The following FOXP1 variants were observed in gnomAD, a reference collection of about 807,000 sequenced individuals.
FOXP1 encodes forkhead box P1.
In FOXP1, 15 loss-of-function variants were observed where a neutral mutation model predicts 98.2. The ratio of observed to expected loss-of-function variants is 0.15; its 90% CI spans 0.10 to 0.24. The LOEUF is 0.24. Ranked by LOEUF, FOXP1 falls within the 10% of genes least tolerant of loss-of-function variation. FOXP1 has a pLI of 1.00. For synonymous variants in FOXP1, 371 were observed against 314.5 expected, an observed-to-expected ratio of 1.18 and a Z score of -1.90; for missense variants, 633 against 848.5, an observed-to-expected ratio of 0.75 and a Z score of 3.15.
At chr3:71,372,176 C>T (rs1400741625) in intron 3 of FOXP1, among the ~76,000 whole-genome samples, 1 of 114,906 alleles carries the variant, frequency 8.7e-6, no homozygotes, top group Non-Finnish European at 1.7e-5. Flanking sequence ...CCATTCCTGG[C>T]TAATTTTTTT....
intron 4 of FOXP1, among the ~76,000 whole-genome samples, chr3:71,311,371 T>C (rs1560287050): frequency 6.6e-6 from 1 of 152,250 alleles, no homozygotes; most frequent in African/African-American, 2.4e-5. Context: ...ATTACAGGCA[T>C]GAGCCAGTGT....
rs2042061258 is a variant in FOXP1 at position 71,001,005 on chromosome 3, T to C, written c.1029A>G (p.Val343=). ...LDDRSTAQCR[V]QMQVVQQLEL... ...CTAACTGCTGTACAACCTGCATTTGTACTCTACATTGGGCTGTACTTCTAT... is the reference window on the plus strand; with the variant it reads ...CTAACTGCTGTACAACCTGCATTTGCACTCTACATTGGGCTGTACTTCTAT... The change falls in exon 13 of 21, where the codon GTA becomes GTG. Residue 343 remains valine (V), a synonymous_variant. Coordinates refer to ENST00000649528, the MANE Select transcript of FOXP1 (RefSeq NM_001349338.3). 2 of 1,613,516 alleles carry C rather than the reference T, an allele frequency of 1.2e-6. No homozygotes were observed. The highest frequency in any genetic ancestry group is 4.5e-5 in the East Asian group (2 of 44,858).
chr3:71,384,881 C>T (rs766681476), intron 3 of FOXP1, among the ~76,000 whole-genome samples: 26 of 152,258 alleles, frequency 1.7e-4, no homozygotes, highest in Non-Finnish European at 3.4e-4. Flanking sequence ...CAGGGTGACA[C>T]ATTTTCTAGA....
intron 7 of FOXP1, among the ~76,000 whole-genome samples, chr3:71,071,225 A>C (rs1230324300): frequency 6.6e-6 from 1 of 152,184 alleles, no homozygotes; most frequent in Non-Finnish European, 1.5e-5. Context: ...GGTTGAGAAC[A>C]GAGGGTGTGT....
chr3:70,963,639 C>CTTTG (rs2034084546), intron 20 of FOXP1, among the ~76,000 whole-genome samples: 1 of 152,148 alleles, frequency 6.6e-6, no homozygotes, highest in South Asian at 2.1e-4. Flanking sequence ...TGAGTAATTC[C>CTTTG]TTTGTTTAGC....
intron 5 of FOXP1, among the ~76,000 whole-genome samples, chr3:71,262,358 T>C (rs969165329): frequency 7.0e-6 from 1 of 142,948 alleles, no homozygotes; most frequent in East Asian, 2.1e-4. Flanking sequence ...AAAAAAGATA[T>C]GATCCCAGCC....
chr3:71,497,646 T>A (rs1031264781), intron 2 of FOXP1, among the ~76,000 whole-genome samples: 2 of 152,192 alleles, frequency 1.3e-5, no homozygotes, highest in African/African-American at 4.8e-5. Context: ...ACCCAACAGA[T>A]ACCCCAGGTA....
chr3:71,319,415 T>G (rs1443816011), intron 4 of FOXP1, among the ~76,000 whole-genome samples: 3 of 152,170 alleles, frequency 2.0e-5, no homozygotes, highest in African/African-American at 7.2e-5. Flanking sequence ...TACTAACTAC[T>G]ATGCTAACTA....
chr3:71,126,211 G>A (rs764544680), intron 6 of FOXP1, among the ~76,000 whole-genome samples: 8 of 152,140 alleles, frequency 5.3e-5, no homozygotes, highest in Non-Finnish European at 1.2e-4. Context: ...TTGGCCGGGC[G>A]TGGTGGCTCA....
At chr3:71,178,888 AC>A (rs1189923765) in intron 6 of FOXP1, among the ~76,000 whole-genome samples, 1 of 151,352 alleles carries the variant, frequency 6.6e-6, no homozygotes, top group African/African-American at 2.4e-5. Flanking sequence ...CAACTCAAAA[AC>A]AAAAAACAAA....
At chr3:71,270,596 G>A (rs1271748390) in intron 5 of FOXP1, among the ~76,000 whole-genome samples, 1 of 152,210 alleles carries the variant, frequency 6.6e-6, no homozygotes, top group African/African-American at 2.4e-5. Flanking sequence ...TTAAGTGAAT[G>A]AAAATTTCGT....
intron 4 of FOXP1, chr3:71,329,826 A>G (rs1001416251): frequency 6.6e-6 from 1 of 152,206 alleles, no homozygotes; most frequent in Non-Finnish European, 1.5e-5. Flanking sequence ...AGTATCTACA[A>G]TCAAGAACAA....
intron 2 of FOXP1, among the ~76,000 whole-genome samples, chr3:71,519,488 T>G (rs922144078): frequency 6.6e-6 from 1 of 152,184 alleles, no homozygotes; most frequent in Non-Finnish European, 1.5e-5. Flanking sequence ...AACTCTCTGA[T>G]AAGTATATTA....
intron 6 of FOXP1, among the ~76,000 whole-genome samples, chr3:71,127,208 T>C (rs2059272600): frequency 6.6e-6 from 1 of 152,182 alleles, no homozygotes. Flanking sequence ...CACTCCAGAA[T>C]TGAAGAATCA....
At chr3:71,053,964 A>G (rs1367991446) in intron 7 of FOXP1, among the ~76,000 whole-genome samples, 191 bp from the exon 8 acceptor site, 2 of 152,246 alleles carry the variant, frequency 1.3e-5, no homozygotes, top group Non-Finnish European at 2.9e-5. Context: ...AAGAAAGAAA[A>G]GTAAAATCTT....
chr3:71,005,780 G>A (rs930907067), intron 12 of FOXP1, among the ~76,000 whole-genome samples: 1 of 152,106 alleles, frequency 6.6e-6, no homozygotes, highest in African/African-American at 2.4e-5. Context: ...AAAGTAGAGC[G>A]CTTCCTTTCT....
intron 14 of FOXP1, 140 bp downstream of exon 14, chr3:70,987,854 C>T (rs987096251): frequency 1.4e-5 from 10 of 734,270 alleles, no homozygotes; most frequent in African/African-American, 7.0e-5. Context: ...TAACCAGAAA[C>T]AGTCGCATGA....
intron 6 of FOXP1, among the ~76,000 whole-genome samples, chr3:71,162,972 T>C (rs1369675547): frequency 2.0e-5 from 3 of 152,330 alleles, no homozygotes; most frequent in East Asian, 1.9e-4. Context: ...AGAAGATGTA[T>C]CAATGCAACA....
At chr3:71,121,176 T>C (rs564833463) in intron 6 of FOXP1, among the ~76,000 whole-genome samples, 1 of 151,824 alleles carries the variant, frequency 6.6e-6, no homozygotes, top group African/African-American at 2.4e-5. Context: ...ACAGGAGACA[T>C]GGACAGAGAG....
Sources: gnomAD v4.1 joint callset for allele counts (sites outside exome capture counted in the v4.1 genomes callset) on GRCh38, gnomAD v4.1.1 for gene constraint, MANE v1.5 for transcripts, NCBI Gene and HGNC (gene_info 2026-07-23, HGNC 2026-07-21) for gene names.